OXR1: variants seen among roughly 807,000 people sequenced by gnomAD.
The protein encoded by OXR1 is oxidation resistance 1.
OXR1 carries 41 observed loss-of-function variants against 104.6 expected under a neutral mutation model. The ratio of observed to expected loss-of-function variants is 0.39; its 90% CI spans 0.31 to 0.51. The LOEUF (loss-of-function observed/expected upper bound fraction) is 0.51, where lower values mean the gene tolerates loss of function less well. OXR1 is among the 20% of genes least tolerant of loss of function. OXR1 has a pLI of 0.77. For synonymous variants in OXR1, 348 were observed against 348.4 expected, an observed-to-expected ratio of 1.00 and a Z score of 0.01; for missense variants, 955 against 1,031.9, an observed-to-expected ratio of 0.93 and a Z score of 1.02.
At chr8:106,477,666 G>GT (rs949648904) in intron 2 of OXR1, among the ~76,000 whole-genome samples, 2 of 151,570 alleles carry the variant, frequency 1.3e-5, no homozygotes, top group African/African-American at 2.4e-5. Context: ...TCATCTACAA[G>GT]TTTTTTTAAA....
chr8:106,599,186 T>TTGC (rs918109403), intron 3 of OXR1, among the ~76,000 whole-genome samples: 7 of 152,182 alleles, frequency 4.6e-5, no homozygotes, highest in Non-Finnish European at 7.3e-5. Flanking sequence ...TTCTCCCCAG[T>TTGC]TGCTATTTAT....
At chr8:106,457,309 C>T (rs990453282) in intron 2 of OXR1, among the ~76,000 whole-genome samples, 1 of 152,144 alleles carries the variant, frequency 6.6e-6, no homozygotes. Flanking sequence ...TACATTCTAC[C>T]TTCTGTCATG....
At chr8:106,683,328 G>A (rs1828364617) in intron 5 of OXR1, 22 bp downstream of exon 5, 2 of 1,116,070 alleles carry the variant, frequency 1.8e-6, no homozygotes, top group Non-Finnish European at 2.7e-6. Context: ...TTTTTAATGT[G>A]CTGATGTTTA....
chr8:106,370,826 C>T (rs984848302), intron 2 of OXR1, among the ~76,000 whole-genome samples: 1 of 152,138 alleles, frequency 6.6e-6, no homozygotes, highest in Non-Finnish European at 1.5e-5. Context: ...TTTTCCCATC[C>T]ATGTTCATCA....
chr8:106,377,348 A>C, intron 2 of OXR1, among the ~76,000 whole-genome samples: 1 of 151,904 alleles, frequency 6.6e-6, no homozygotes, highest in Admixed American at 6.6e-5. Context: ...CACTTGCCTA[A>C]TTTAAAAAAA....
chr8:106,311,294 G>T lies in OXR1; in HGVS notation c.-139+40927G>T, dbSNP rs146195290. Among the ~76,000 whole-genome samples, 50 of 151,988 alleles carry T rather than the reference G, an allele frequency of 3.3e-4. No individual in the cohort carries two copies. In the East Asian group the frequency reaches 9.5e-3, roughly 29 times the overall value. ...TTATAGTGTTCTAAAGTTTTCCTCT[G>T]TTCTTGCATTGTTCCTTTTTTTGGT... On this transcript the variant is annotated intron_variant, in intron 1 of 16. Coordinates refer to ENST00000517566, the MANE Select transcript of OXR1 (RefSeq NM_001198533.2).
intron 2 of OXR1, among the ~76,000 whole-genome samples, chr8:106,405,012 T>G (rs1818159452): frequency 6.6e-6 from 1 of 151,952 alleles, no homozygotes; most frequent in Admixed American, 6.6e-5. Context: ...GGATTGAGTT[T>G]CCAATGCAAA....
chr8:106,559,611 T>TA (rs1816531168), intron 3 of OXR1, among the ~76,000 whole-genome samples: 1 of 152,200 alleles, frequency 6.6e-6, no homozygotes, highest in African/African-American at 2.4e-5. Context: ...ATTTATTTCT[T>TA]ACAGTACTAG....
intron 1 of OXR1, among the ~76,000 whole-genome samples, chr8:106,350,540 T>C (rs997131270): frequency 6.6e-6 from 1 of 152,200 alleles, no homozygotes; most frequent in African/African-American, 2.4e-5. Flanking sequence ...TCCCATGAAA[T>C]GACTTTAATA....
At chr8:106,679,447 T>A (rs565450435) in intron 4 of OXR1, among the ~76,000 whole-genome samples, 155 bp downstream of exon 4, 1 of 152,176 alleles carries the variant, frequency 6.6e-6, no homozygotes, top group South Asian at 2.1e-4. Context: ...TTTTAGTTGT[T>A]GTTTTTTTCT....
At chr8:106,618,183 GGTAT>G (rs1451735306) in intron 3 of OXR1, 63 of 1,535,586 alleles carry the variant, frequency 4.1e-5, no homozygotes, top group Non-Finnish European at 5.5e-5. Flanking sequence ...CCAGCGCAAA[GGTAT>G]GTGTAAGTGC....
At chr8:106,524,894 C>CCATAAAGCAAGA in intron 3 of OXR1, among the ~76,000 whole-genome samples, 2 of 152,234 alleles carry the variant, frequency 1.3e-5, no homozygotes, top group Middle Eastern at 6.8e-3. Flanking sequence ...TTTATGGGCT[C>CCATAAAGCAAGA]CATAGAGCAA....
At chr8:106,535,596 A>G (rs1432353342) in intron 3 of OXR1, among the ~76,000 whole-genome samples, 1 of 152,104 alleles carries the variant, frequency 6.6e-6, no homozygotes, top group East Asian at 1.9e-4. Flanking sequence ...CCAGTTGCCA[A>G]TTTTCTTTGC....
At chr8:106,605,724 G>A (rs969946332) in intron 3 of OXR1, among the ~76,000 whole-genome samples, 9 of 151,806 alleles carry the variant, frequency 5.9e-5, no homozygotes, top group African/African-American at 1.7e-4. Flanking sequence ...ACATGAACCC[G>A]GGAGGTGGAG....
At chr8:106,486,621 A>G (rs1472654483) in intron 2 of OXR1, among the ~76,000 whole-genome samples, 2 of 152,018 alleles carry the variant, frequency 1.3e-5, no homozygotes, top group African/African-American at 4.8e-5. Context: ...ATTTGTGTTT[A>G]TATGTTAAGT....
chr8:106,326,801 A>C (rs1408580794), intron 1 of OXR1, among the ~76,000 whole-genome samples: 1 of 152,170 alleles, frequency 6.6e-6, no homozygotes, highest in Non-Finnish European at 1.5e-5. Flanking sequence ...TAGGGAATGG[A>C]GTCAGAGAGG....
At position 106,359,650 on chromosome 8, in the gene OXR1, T is replaced by C. The variant is rs1563735931; in HGVS notation, c.23+14T>C. 6.5e-7 allele frequency: 1 copy of C among 1,532,856 alleles called. No homozygotes were observed. The highest frequency in any genetic ancestry group is 1.4e-5 in the African/African-American group (1 of 72,652). 95.0% of individuals were successfully genotyped at this position (1,532,856 alleles called of 1,614,324 possible). Reference sequence around the variant, plus strand: ...TAATCTATCATGGTGAGTGAATGGTTTTCTTGCCTTAAATGTAAATGAAAA... The same window carrying C: ...TAATCTATCATGGTGAGTGAATGGTCTTCTTGCCTTAAATGTAAATGAAAA... On this transcript the variant is annotated intron_variant, in intron 2 of 16. Coordinates refer to ENST00000517566, the MANE Select transcript of OXR1 (RefSeq NM_001198533.2).
intron 6 of OXR1, among the ~76,000 whole-genome samples, chr8:106,688,665 A>G (rs953418728): frequency 1.3e-5 from 2 of 152,134 alleles, no homozygotes; most frequent in African/African-American, 4.8e-5. Context: ...ATTACTTTAG[A>G]CTTTTAATTA....
intron 3 of OXR1, among the ~76,000 whole-genome samples, chr8:106,633,438 T>C (rs1404042087): frequency 6.6e-6 from 1 of 152,202 alleles, no homozygotes; most frequent in African/African-American, 2.4e-5. Context: ...GTGCTCTTTG[T>C]CAATTTTACC....
Sources: gnomAD v4.1 joint callset for allele counts (sites outside exome capture counted in the v4.1 genomes callset) on GRCh38, gnomAD v4.1.1 for gene constraint, MANE v1.5 for transcripts, NCBI Gene and HGNC (gene_info 2026-07-23, HGNC 2026-07-21) for gene names.